ENOX1: variants seen among roughly 807,000 people sequenced by gnomAD.
The protein encoded by ENOX1 is candidate growth-related and time keeping constitutive hydroquinone (NADH) oxidase.
ENOX1 carries 42 observed loss-of-function variants against 82.5 expected under a neutral mutation model. That is an observed-to-expected ratio of 0.51 (90% CI 0.40 to 0.66). The LOEUF (loss-of-function observed/expected upper bound fraction) is 0.66. Among genes scored for constraint, ENOX1 ranks in the 30% least tolerant of loss-of-function variants. ENOX1 has a pLI of 0.00. For missense variants in ENOX1, 608 were observed against 811.6 expected (o/e 0.75, Z 3.05); for synonymous variants, 271 against 282.2 (o/e 0.96, Z 0.40).
At chr13:43,242,046 AGCTTCTT>A (rs1464067328) in intron 14 of ENOX1, among the ~76,000 whole-genome samples, 2 of 152,054 alleles carry the variant, frequency 1.3e-5, no homozygotes, top group African/African-American at 4.8e-5. Context: ...TCTGTTGCAA[AGCTTCTT>A]GAATACATGT....
intron 1 of ENOX1, among the ~76,000 whole-genome samples, chr13:43,765,866 A>G (rs1413275951): frequency 2.6e-5 from 4 of 152,232 alleles, no homozygotes; most frequent in South Asian, 4.1e-4. Flanking sequence ...TTAAAAAGTC[A>G]TAACATACAA....
intron 2 of ENOX1, among the ~76,000 whole-genome samples, chr13:43,497,110 T>C (rs1303587813): frequency 6.6e-6 from 1 of 152,186 alleles, no homozygotes; most frequent in Non-Finnish European, 1.5e-5. Context: ...TCTTGCATCC[T>C]GAAACCTTGT....
chr13:43,331,193 G>A (rs925771318), intron 9 of ENOX1, among the ~76,000 whole-genome samples: 3 of 152,234 alleles, frequency 2.0e-5, no homozygotes, highest in South Asian at 2.1e-4. Context: ...ATGCATGGGA[G>A]ATGAAAGAGA....
chr13:43,643,373 G>A (rs1374971543), intron 2 of ENOX1, among the ~76,000 whole-genome samples: 1 of 152,174 alleles, frequency 6.6e-6, no homozygotes, highest in Admixed American at 6.5e-5. Flanking sequence ...GTATGAGCTG[G>A]ACAACAGGGA....
intron 1 of ENOX1, among the ~76,000 whole-genome samples, chr13:43,706,114 T>C (rs1285704170): frequency 2.0e-5 from 3 of 151,820 alleles, no homozygotes; most frequent in Non-Finnish European, 4.4e-5. Context: ...AATAATAACA[T>C]ATAAAAATGT....
chr13:43,463,924 G>T (rs2057603719), intron 3 of ENOX1, among the ~76,000 whole-genome samples: 1 of 152,138 alleles, frequency 6.6e-6, no homozygotes, highest in Non-Finnish European at 1.5e-5. Context: ...CCTACTATGT[G>T]CAGGTACTGT....
intron 2 of ENOX1, among the ~76,000 whole-genome samples, chr13:43,618,553 T>C (rs1188722626): frequency 6.6e-6 from 1 of 152,162 alleles, no homozygotes; most frequent in Non-Finnish European, 1.5e-5. Context: ...GGCTGTTAAG[T>C]ATTTGGGTTT....
intron 3 of ENOX1, among the ~76,000 whole-genome samples, chr13:43,416,107 T>C (rs1463508221): frequency 0.13 from 4,750 of 36,896 alleles, 54 homozygotes; most frequent in African/African-American, 0.16. Context: ...TGGGCAGAGA[T>C]GCTCCCCACT....
chr13:43,757,470 C>T (rs1327949683), intron 1 of ENOX1, among the ~76,000 whole-genome samples: 2 of 152,176 alleles, frequency 1.3e-5, no homozygotes. Context: ...GCCATCTCAT[C>T]ACTCCAGCTT....
chr13:43,751,354 G>T (rs74793957), intron 1 of ENOX1, among the ~76,000 whole-genome samples: 3,181 of 152,192 alleles, frequency 0.021, 122 homozygotes, highest in African/African-American at 0.073. Context: ...ACTGCACTGG[G>T]TTTTTAAAAA....
chr13:43,721,203 C>T (rs1033226153), intron 1 of ENOX1, among the ~76,000 whole-genome samples: 1 of 151,860 alleles, frequency 6.6e-6, no homozygotes, highest in African/African-American at 2.4e-5. Context: ...AAATTTAGTA[C>T]CCTTATACTT....
At chr13:43,319,161 T>C (rs1034098741) in intron 11 of ENOX1, among the ~76,000 whole-genome samples, 1 of 152,212 alleles carries the variant, frequency 6.6e-6, no homozygotes, top group Non-Finnish European at 1.5e-5. Context: ...CTTCACAGGC[T>C]TCAGAGCAGG....
intron 2 of ENOX1, among the ~76,000 whole-genome samples, chr13:43,561,557 T>G (rs944200645): frequency 6.6e-6 from 1 of 152,158 alleles, no homozygotes; most frequent in Non-Finnish European, 1.5e-5. Context: ...TTTAAGTAAA[T>G]GTGGCATATC....
intron 7 of ENOX1, among the ~76,000 whole-genome samples, chr13:43,357,597 A>C (rs949322105): frequency 6.6e-6 from 1 of 152,220 alleles, no homozygotes; most frequent in South Asian, 2.1e-4. Context: ...TGATACACGC[A>C]TAACAGCTGA....
At chr13:43,374,518 T>A (rs1421510139) in intron 5 of ENOX1, among the ~76,000 whole-genome samples, 1 of 152,202 alleles carries the variant, frequency 6.6e-6, no homozygotes, top group East Asian at 1.9e-4. Context: ...ATGTTGGGAT[T>A]ACAGGCATGA....
chr13:43,363,816 C>G (rs1248782111), intron 5 of ENOX1, among the ~76,000 whole-genome samples: 1 of 152,128 alleles, frequency 6.6e-6, no homozygotes, highest in African/African-American at 2.4e-5. Context: ...TTTCTGAAGG[C>G]TAAGTAAATA....
At chr13:43,337,873 C>T (rs2048805978) in intron 9 of ENOX1, among the ~76,000 whole-genome samples, 1 of 152,180 alleles carries the variant, frequency 6.6e-6, no homozygotes, top group Non-Finnish European at 1.5e-5. Context: ...TCAGTTTCCT[C>T]CTCTGTAAAA....
At chr13:43,281,911 G>A (rs991061693) in intron 12 of ENOX1, among the ~76,000 whole-genome samples, 3 of 152,094 alleles carry the variant, frequency 2.0e-5, no homozygotes, top group Admixed American at 6.6e-5. Flanking sequence ...CAAAGCAAGT[G>A]ACATAAATCA....
chr13:43,781,229 A>C (rs1427162116), intron 1 of ENOX1, among the ~76,000 whole-genome samples: 1 of 152,192 alleles, frequency 6.6e-6, no homozygotes, highest in Non-Finnish European at 1.5e-5. Context: ...TATCCACACA[A>C]ATGAAGCTTG....
Sources: allele counts gnomAD v4.1 joint callset (sites outside exome capture counted in the v4.1 genomes callset), GRCh38; gene constraint gnomAD v4.1.1; transcripts MANE v1.5; gene names NCBI Gene and HGNC (gene_info 2026-07-23, HGNC 2026-07-21).